ULK4: variants seen among roughly 807,000 people sequenced by gnomAD.
ULK4 encodes inactive serine/threonine-protein kinase ULK4.
A neutral mutation model predicts 160.6 loss-of-function variants in ULK4; 133 were observed. That is an observed-to-expected ratio of 0.83 (90% CI 0.72 to 0.96). The LOEUF (loss-of-function observed/expected upper bound fraction) is 0.96. ULK4 is among the 40% of genes least tolerant of loss of function. ULK4 has a pLI of 0.00. For missense variants in ULK4, 1,580 were observed against 1,499.5 expected (o/e 1.05, Z -0.89); for synonymous variants, 534 against 539.8 (o/e 0.99, Z 0.15).
At chr3:41,870,478 TTC>T (rs1260037589) in intron 17 of ULK4, among the ~76,000 whole-genome samples, 1 of 152,200 alleles carries the variant, frequency 6.6e-6, no homozygotes, top group African/African-American at 2.4e-5. Flanking sequence ...TTCTATTATG[TTC>T]TGACTGTGAC....
chr3:41,283,441 T>C (rs965943596), intron 35 of ULK4, among the ~76,000 whole-genome samples: 2 of 152,148 alleles, frequency 1.3e-5, no homozygotes, highest in African/African-American at 4.8e-5. Flanking sequence ...ATGTGGCACA[T>C]ATACACCATG....
chr3:41,556,605 A>G (rs2087311503), intron 32 of ULK4, among the ~76,000 whole-genome samples: 1 of 148,180 alleles, frequency 6.7e-6, no homozygotes, highest in South Asian at 2.1e-4. Flanking sequence ...CTCTTGCCTC[A>G]GCCTCCCAAG....
intron 18 of ULK4, among the ~76,000 whole-genome samples, chr3:41,824,734 T>C (rs2041282760): frequency 6.6e-6 from 1 of 152,144 alleles, no homozygotes; most frequent in South Asian, 2.1e-4. Flanking sequence ...ACTCCACCTC[T>C]GGGGGCAGGG....
intron 21 of ULK4, among the ~76,000 whole-genome samples, chr3:41,771,659 T>C (rs1464576123): frequency 1.3e-5 from 2 of 152,042 alleles, no homozygotes; most frequent in East Asian, 3.9e-4. Flanking sequence ...TAATACCTAA[T>C]ACCATCACTA....
intron 22 of ULK4, among the ~76,000 whole-genome samples, chr3:41,746,328 G>A (rs144197148): frequency 6.7e-5 from 8 of 119,102 alleles, no homozygotes; most frequent in African/African-American, 2.3e-4. Context: ...GTTTAGTAAC[G>A]CTGTAGAAGA....
At chr3:41,333,791 G>A (rs1292295187) in intron 35 of ULK4, among the ~76,000 whole-genome samples, 2 of 152,016 alleles carry the variant, frequency 1.3e-5, no homozygotes, top group African/African-American at 2.4e-5. Flanking sequence ...TCAGAATCGC[G>A]GGGAACATTA....
At chr3:41,813,141 C>T (rs1201971918) in intron 19 of ULK4, among the ~76,000 whole-genome samples, 2 of 152,018 alleles carry the variant, frequency 1.3e-5, no homozygotes, top group African/African-American at 4.8e-5. Context: ...ACAATGCATA[C>T]TGGGGCCTGT....
chr3:41,833,429 G>T (rs558240971), intron 18 of ULK4, among the ~76,000 whole-genome samples: 21 of 151,930 alleles, frequency 1.4e-4, no homozygotes, highest in Non-Finnish European at 3.1e-4. Context: ...CCGAGTAGCT[G>T]GGACTACCAG....
At chr3:41,721,287 G>GTTTTTTTTTGTTTTTTTT (rs1559507507) in intron 22 of ULK4, among the ~76,000 whole-genome samples, 1 of 68,830 alleles carries the variant, frequency 1.5e-5, no homozygotes, top group African/African-American at 6.7e-5. Flanking sequence ...TTTTTTTTGG[G>GTTTTTTTTTGTTTTTTTT]TTTTGAACCA....
chr3:41,828,051 CAT>C lies in ULK4; in HGVS notation c.1764+7811_1764+7812del, dbSNP rs534123856. ...TAAACAGAACCAAAGACAAAAACCA[CAT>C]GATTATCTCAATAGATGCAGAAAAG... On this transcript the variant is annotated intron_variant, in intron 18 of 36. Coordinates refer to ENST00000301831, the MANE Select transcript of ULK4 (RefSeq NM_017886.4). Among the ~76,000 whole-genome samples the C allele has an allele frequency of 2.4e-3, 368 of 152,008 alleles. 1 individual carries two copies. The highest frequency in any genetic ancestry group is 7.9e-3 in the African/African-American group (328 of 41,428).
chr3:41,465,142 A>C (rs1161221727), intron 32 of ULK4, among the ~76,000 whole-genome samples: 1 of 152,216 alleles, frequency 6.6e-6, no homozygotes, highest in East Asian at 1.9e-4. Flanking sequence ...GATTTTAAGA[A>C]GCTGATCTCA....
intron 32 of ULK4, among the ~76,000 whole-genome samples, chr3:41,474,411 G>C (rs1260585900): frequency 6.6e-6 from 1 of 152,058 alleles, no homozygotes; most frequent in Non-Finnish European, 1.5e-5. Flanking sequence ...ACCACTAGAA[G>C]AAAACACAGA....
At chr3:41,885,501 G>C (rs1173739665) in intron 16 of ULK4, among the ~76,000 whole-genome samples, 1 of 151,960 alleles carries the variant, frequency 6.6e-6, no homozygotes, top group African/African-American at 2.4e-5. Context: ...CCAGTGACTC[G>C]ACACTGTACC....
chr3:41,938,449 G>A (rs1027295988), intron 2 of ULK4, among the ~76,000 whole-genome samples: 2 of 152,140 alleles, frequency 1.3e-5, no homozygotes, highest in African/African-American at 2.4e-5. Context: ...GGGAGGCCGA[G>A]GTGGGTTGGA....
intron 2 of ULK4, among the ~76,000 whole-genome samples, chr3:41,942,712 G>A (rs1033256704): frequency 1.3e-5 from 2 of 152,120 alleles, no homozygotes; most frequent in Admixed American, 6.5e-5. Flanking sequence ...AGCTACTCAG[G>A]AGGCTGAGGC....
At chr3:41,910,479 A>T (rs2148802171) in intron 11 of ULK4, among the ~76,000 whole-genome samples, 1 of 152,088 alleles carries the variant, frequency 6.6e-6, no homozygotes, top group East Asian at 1.9e-4. Flanking sequence ...CTGTAGTCCC[A>T]GCTACTCTCG....
intron 35 of ULK4, among the ~76,000 whole-genome samples, chr3:41,313,956 C>T (rs943795507): frequency 1.3e-5 from 2 of 152,096 alleles, no homozygotes; most frequent in South Asian, 2.1e-4. Flanking sequence ...CTAGCCACTG[C>T]GTCCCAGGGA....
At chr3:41,294,833 A>G (rs746941903) in intron 35 of ULK4, among the ~76,000 whole-genome samples, 2 of 152,242 alleles carry the variant, frequency 1.3e-5, no homozygotes, top group African/African-American at 2.4e-5. Context: ...CCATGTTCTC[A>G]TTGGATAGGG....
At chr3:41,863,806 G>T (rs1006838561) in intron 17 of ULK4, among the ~76,000 whole-genome samples, 1 of 151,758 alleles carries the variant, frequency 6.6e-6, no homozygotes, top group African/African-American at 2.4e-5. Context: ...CTGTGGCTGG[G>T]CTGGTATCCT....
Sources: gnomAD v4.1 joint callset for allele counts (sites outside exome capture counted in the v4.1 genomes callset) on GRCh38, gnomAD v4.1.1 for gene constraint, MANE v1.5 for transcripts, NCBI Gene and HGNC (gene_info 2026-07-23, HGNC 2026-07-21) for gene names.